PROS1: variants seen among roughly 807,000 people sequenced by gnomAD.
The protein encoded by PROS1 is vitamin K-dependent protein S.
PROS1 carries 29 observed loss-of-function variants against 75.9 expected under a neutral mutation model. The observed-to-expected ratio is 0.38, with a 90% confidence interval of 0.28 to 0.52. The LOEUF is 0.52. Ranked by LOEUF, PROS1 falls within the 20% of genes least tolerant of loss-of-function variation. The pLI is 0.83. For synonymous variants in PROS1, 245 were observed against 280.6 expected (o/e 0.87, Z 1.27); for missense variants, 680 against 810.3 (o/e 0.84, Z 1.95).
At chr3:93,914,531 C>CA (rs1306142074) in intron 3 of PROS1, among the ~76,000 whole-genome samples, 1 of 152,150 alleles carries the variant, frequency 6.6e-6, no homozygotes, top group Non-Finnish European at 1.5e-5. Context: ...GGTGGTCCTG[C>CA]AGGTGCCCCT....
chr3:93,899,404 T>C (rs1269567218), intron 7 of PROS1, among the ~76,000 whole-genome samples: 3 of 152,130 alleles, frequency 2.0e-5, no homozygotes. Context: ...TTAAAATAGA[T>C]TCCCAAAATT....
At chr3:93,957,090 A>G (rs1392525308) in intron 1 of PROS1, among the ~76,000 whole-genome samples, 1 of 152,170 alleles carries the variant, frequency 6.6e-6, no homozygotes, top group Non-Finnish European at 1.5e-5. Flanking sequence ...AAATAATCTA[A>G]AAGTCCGAAA....
intron 1 of PROS1, among the ~76,000 whole-genome samples, chr3:93,944,915 G>T (rs142679364): frequency 1.2e-3 from 182 of 151,856 alleles, no homozygotes; most frequent in African/African-American, 4.2e-3. Context: ...TAATAAAGAA[G>T]ATTGCAAGAC....
rs1386488557 is a variant in PROS1, at chr3:93,927,338, G to A, written c.146C>T (p.Thr49Ile). 1 of 1,613,758 alleles carries A rather than the reference G, an allele frequency of 6.2e-7. No homozygotes were observed. The highest frequency in any genetic ancestry group is 1.7e-5 in the Admixed American group (1 of 59,996). The change falls in exon 2 of 15, where the codon ACC becomes ATC. Residue 49 changes from threonine (T) to isoleucine (I), a missense_variant. Coordinates refer to ENST00000394236, the MANE Select transcript of PROS1 (RefSeq NM_000313.4). ...KRRANSLLEE[T>I]KQGNLERECI... ...TTCTCTTTCAAGATTACCCTGTTTG[G>A]TTTCTTCAAGTAAAGAATTTGCACG...
intron 1 of PROS1, among the ~76,000 whole-genome samples, chr3:93,961,839 A>C (rs1328060696): frequency 6.6e-6 from 1 of 152,190 alleles, no homozygotes; most frequent in Non-Finnish European, 1.5e-5. Context: ...GCACACACCA[A>C]ATAACATTGA....
At chr3:93,969,127 T>TC (rs1559954874) in intron 1 of PROS1, among the ~76,000 whole-genome samples, 1 of 148,816 alleles carries the variant, frequency 6.7e-6, no homozygotes, top group African/African-American at 2.5e-5. Context: ...GTTTTCTTTT[T>TC]TTTTTTTTTT....
intron 3 of PROS1, among the ~76,000 whole-genome samples, chr3:93,914,601 C>G (rs761793747): frequency 3.9e-5 from 6 of 152,214 alleles, no homozygotes; most frequent in Non-Finnish European, 7.3e-5. Context: ...CTTCAAAAAT[C>G]TCTCAAATGT....
intron 14 of PROS1, among the ~76,000 whole-genome samples, chr3:93,875,633 TC>T (rs1437954083): frequency 5.2e-5 from 2 of 38,112 alleles, no homozygotes; most frequent in African/African-American, 3.1e-4. Context: ...CCTCTATCTA[TC>T]TATCTATCTA....
intron 3 of PROS1, among the ~76,000 whole-genome samples, chr3:93,922,298 C>A (rs1365051914): frequency 3.3e-5 from 5 of 151,904 alleles, no homozygotes; most frequent in Non-Finnish European, 7.4e-5. Flanking sequence ...AAAATGATTT[C>A]TAATGTTTAT....
chr3:93,900,698 A>C, intron 7 of PROS1, 106 bp downstream of exon 7: 6 of 1,482,626 alleles, frequency 4.0e-6, no homozygotes, highest in Non-Finnish European at 5.6e-6. Context: ...ATTAGGGATA[A>C]GAAAATATGA....
chr3:93,936,829 C>T (rs1291312669), intron 1 of PROS1, among the ~76,000 whole-genome samples: 1 of 152,136 alleles, frequency 6.6e-6, no homozygotes, highest in Non-Finnish European at 1.5e-5. Context: ...GTATTTATGG[C>T]TTCTCCCTCT....
At chr3:93,908,628 G>C (rs994662713) in intron 4 of PROS1, among the ~76,000 whole-genome samples, 1 of 152,170 alleles carries the variant, frequency 6.6e-6, no homozygotes, top group African/African-American at 2.4e-5. Flanking sequence ...AGCTCAGAGA[G>C]GGATAGGGAT....
At chr3:93,875,856 G>A (rs1399113083) in intron 14 of PROS1, among the ~76,000 whole-genome samples, 1 of 152,100 alleles carries the variant, frequency 6.6e-6, no homozygotes, top group African/African-American at 2.4e-5. Flanking sequence ...AGAATAAATT[G>A]CAAATGTCAT....
chr3:93,887,139 C>T (rs1235585327), intron 10 of PROS1, among the ~76,000 whole-genome samples: 1 of 151,814 alleles, frequency 6.6e-6, no homozygotes, highest in Non-Finnish European at 1.5e-5. Context: ...AGGATGGTCT[C>T]GATCTCCTGA....
At chr3:93,946,275 T>A (rs762343687) in intron 1 of PROS1, among the ~76,000 whole-genome samples, 2 of 152,164 alleles carry the variant, frequency 1.3e-5, no homozygotes, top group African/African-American at 2.4e-5. Flanking sequence ...AAGCTACCAA[T>A]GACTTTCTTC....
intron 7 of PROS1, among the ~76,000 whole-genome samples, chr3:93,899,426 G>C (rs1053172649): frequency 7.2e-5 from 11 of 151,822 alleles, no homozygotes; most frequent in African/African-American, 2.4e-4. Context: ...ATAATCCTTA[G>C]TATTAAAATT....
intron 1 of PROS1, among the ~76,000 whole-genome samples, chr3:93,951,914 A>G (rs1177554698): frequency 1.3e-5 from 2 of 152,172 alleles, no homozygotes; most frequent in Non-Finnish European, 1.5e-5. Context: ...GAAACAAAAA[A>G]AAGCAGGGGT....
chr3:93,912,285 A>C (rs1708769269), intron 3 of PROS1, among the ~76,000 whole-genome samples: 1 of 151,990 alleles, frequency 6.6e-6, no homozygotes, highest in Non-Finnish European at 1.5e-5. Context: ...ACTGACTCTA[A>C]TCTCCTGCCA....
intron 11 of PROS1, among the ~76,000 whole-genome samples, chr3:93,885,919 A>T (rs979172576): frequency 2.6e-5 from 4 of 152,210 alleles, no homozygotes; most frequent in African/African-American, 9.6e-5. Flanking sequence ...TCCTAAAAAT[A>T]GACTTGAGAA....
Sources: gnomAD v4.1 joint callset for allele counts (sites outside exome capture counted in the v4.1 genomes callset) on GRCh38, gnomAD v4.1.1 for gene constraint, MANE v1.5 for transcripts, NCBI Gene and HGNC (gene_info 2026-07-23, HGNC 2026-07-21) for gene names.